TOGARAM1: variants seen among roughly 807,000 people sequenced by gnomAD.
TOGARAM1 encodes the protein TOG array regulator of axonemal microtubules protein 1.
TOGARAM1 carries 100 observed loss-of-function variants against 166.6 expected under a neutral mutation model. The observed-to-expected ratio is 0.60, with a 90% CI of 0.51 to 0.71. The LOEUF is 0.71. TOGARAM1 is among the 30% of genes least tolerant of loss of function. The probability of loss-of-function intolerance (pLI) is 0.00; values close to 1 mark genes in which losing one functional copy is unlikely to be tolerated. For missense variants in TOGARAM1, 2,029 were observed against 2,102.7 expected (o/e 0.96, Z 0.69); for synonymous variants, 758 against 763.8 (o/e 0.99, Z 0.13).
rs374580973 is a variant in TOGARAM1, at chr14:44,992,572, A to C, written c.2047-3174A>C. On this transcript the variant is annotated intron_variant, in intron 1 of 19. Transcript: ENST00000361462. The stretch of plus-strand genomic sequence containing the variant: ...CCTGCCAAAAGCTGCAATAGGATGC[A>C]TTAGGTCAGAGGATTAAACAAGAGT... Among the ~76,000 whole-genome samples, 16 of 150,694 alleles carry C rather than the reference A, an allele frequency of 1.1e-4. No individual in the cohort carries two copies. The East Asian group carries it at 2.4e-3, about 22-fold the overall frequency.
intron 10 of TOGARAM1, among the ~76,000 whole-genome samples, chr14:45,030,372 T>C (rs1426096841): frequency 6.6e-6 from 1 of 152,198 alleles, no homozygotes; most frequent in African/African-American, 2.4e-5. Context: ...AACTTCCACA[T>C]TGGTTTCTTC....
At chr14:45,017,976 G>T (rs1880256308) in intron 7 of TOGARAM1, among the ~76,000 whole-genome samples, 3 of 152,144 alleles carry the variant, frequency 2.0e-5, no homozygotes, top group Non-Finnish European at 4.4e-5. Flanking sequence ...TTGCTTAAGA[G>T]ATCCTATTAC....
At chr14:44,989,618 C>G (rs1887025120) in intron 1 of TOGARAM1, among the ~76,000 whole-genome samples, 1 of 151,998 alleles carries the variant, frequency 6.6e-6, no homozygotes, top group Middle Eastern at 3.2e-3. Flanking sequence ...TTCAAAACCA[C>G]AAGTCTCTAG....
At chr14:45,068,191 C>A (rs1053968801) in intron 17 of TOGARAM1, among the ~76,000 whole-genome samples, 1 of 152,028 alleles carries the variant, frequency 6.6e-6, no homozygotes. Flanking sequence ...ATTAGGATGT[C>A]TTTTGGGGTG....
At chr14:44,969,767 T>G (rs545106659) in intron 1 of TOGARAM1, among the ~76,000 whole-genome samples, 1 of 152,346 alleles carries the variant, frequency 6.6e-6, no homozygotes, top group South Asian at 2.1e-4. Flanking sequence ...TTTTTACATG[T>G]GCATGTTCAG....
At chr14:44,984,729 C>CGTGCCACTGCACTCCAGCCTG (rs1161924953) in intron 1 of TOGARAM1, among the ~76,000 whole-genome samples, 2 of 151,498 alleles carry the variant, frequency 1.3e-5, no homozygotes, top group Non-Finnish European at 2.9e-5. Flanking sequence ...GAGCTATGAT[C>CGTGCCACTGCACTCCAGCCTG]GTGCCACTGC....
Position 45,006,142 on chromosome 14 carries a change from G to A in TOGARAM1, c.2779G>A (p.Ala927Thr). ...GGGAATAAGCCTTTTGCCTGATAAA[G>A]CTGATTTAAGCACAGTGGGACACAA... ...PRGISLLPDK[A>T]DLSTVGHKKK... Residue 927 changes from alanine (A) to threonine (T), a missense_variant, in exon 5 of 20, where the codon GCT becomes ACT. Ala to Thr is a moderately conservative substitution (Grantham distance 58, BLOSUM62 0). This residue lies in a region of TOGARAM1 where 1,453 missense variants were observed against 1,432.2 expected (regional missense o/e 1.01). Transcript: ENST00000361462. The A allele has an allele frequency of 6.2e-7, 1 of 1,614,068 alleles. No homozygotes were observed. The highest frequency in any genetic ancestry group is 8.5e-7 in the Non-Finnish European group (1 of 1,179,996).
At chr14:44,993,975 A>C (rs183415074) in intron 1 of TOGARAM1, among the ~76,000 whole-genome samples, 37 of 152,382 alleles carry the variant, frequency 2.4e-4, no homozygotes, top group African/African-American at 7.7e-4. Context: ...CTTTTAATAT[A>C]TCTAATCAGA....
At chr14:45,007,889 A>C (rs1463643569) in intron 5 of TOGARAM1, 4 of 152,152 alleles carry the variant, frequency 2.6e-5, no homozygotes, top group Non-Finnish European at 5.9e-5. Context: ...TTTACAGAAG[A>C]GGCTCAGTGA....
chr14:45,065,742 A>C (rs1303914200), intron 16 of TOGARAM1, among the ~76,000 whole-genome samples: 4 of 152,338 alleles, frequency 2.6e-5, no homozygotes, highest in Non-Finnish European at 5.9e-5. Context: ...CCATTGGTTG[A>C]CATCTGGGAA....
At position 44,963,705 on chromosome 14, in the gene TOGARAM1, G is replaced by T; in HGVS notation, c.1284G>T (p.Gln428His). 6.2e-7 allele frequency: 1 copy of T among 1,613,946 alleles called. No homozygotes were observed. Among genetic ancestry groups the T allele is most frequent in the Non-Finnish European group, 8.5e-7 (1 of 1,180,022 alleles). ...LHLLVIRLGE[Q>H]VQQFLGPVIA... is the part of the protein sequence containing the mutation. ...TACTGGTTATTCGCCTTGGAGAGCA[G>T]GTACAGCAGTTCTTGGGACCAGTTA... The change falls in exon 1 of 20, where the codon CAG (glutamine) becomes CAT (histidine). Residue 428 changes from glutamine (Q) to histidine (H), a missense_variant. Gln to His is a conservative substitution (Grantham distance 24). This residue lies in a region of TOGARAM1 where 1,453 missense variants were observed against 1,432.2 expected (regional missense o/e 1.01). Coordinates refer to ENST00000361462, the MANE Select transcript of TOGARAM1 (RefSeq NM_001308120.2).
chr14:44,998,463 C>T (rs1887538208), intron 2 of TOGARAM1, among the ~76,000 whole-genome samples: 1 of 152,084 alleles, frequency 6.6e-6, no homozygotes, highest in South Asian at 2.1e-4. Flanking sequence ...GCCTGTAATC[C>T]CAGCACTTTG....
chr14:45,009,293 A>G lies in TOGARAM1; in HGVS notation c.3137+148A>G, dbSNP rs1879653417. On this transcript the variant is annotated intron_variant, in intron 6 of 19. Coordinates refer to ENST00000361462, the MANE Select transcript of TOGARAM1 (RefSeq NM_001308120.2). ...TTTAAAAGACATTGGAAATGTTTAC[A>G]GATATTACCTTGCTTGGCTTTGGTT... 5.7e-6 allele frequency: 4 copies of G among 696,070 alleles called. No homozygotes were observed. The Admixed American group carries it at 1.2e-4, about 21-fold the overall frequency. 43.1% of individuals were successfully genotyped at this position (696,070 alleles called of 1,614,324 possible).
rs1426229809 is a variant in TOGARAM1, at chr14:44,999,377, C to T, written c.2218C>T (p.His740Tyr). ...TTCTTCAAAAGGTACTACTGGGACT[C>T]ATCAAACAAATCTTTCTGGGAAATG... ...PLCAAGTTGT[H>Y]QTNLSGKCAQ... Residue 740 changes from histidine to tyrosine, a missense_variant, in exon 3 of 20, where the codon CAT becomes TAT. Transcript: ENST00000361462. 6.2e-7 allele frequency: 1 copy of T among 1,608,794 alleles called. No individual in the cohort carries two copies. The highest frequency in any genetic ancestry group is 1.3e-5 in the African/African-American group (1 of 74,826).
chr14:45,025,699 A>T, intron 7 of TOGARAM1, 84 bp from the exon 8 acceptor site: 1 of 710,272 alleles, frequency 1.4e-6, no homozygotes, highest in South Asian at 1.9e-5. Flanking sequence ...TTCAGTTTTA[A>T]AAGACTATGT....
In TOGARAM1 at chr14:44,999,582, T is replaced by A. The variant is rs146332815; in HGVS notation, c.2338+85T>A. On this transcript the variant is annotated intron_variant, in intron 3 of 19. Transcript: ENST00000361462. Reference sequence around the variant, plus strand: ...ACACTAACTTATATGATATTTTGTGTACTCATACTCATCACAAAAAATAAA... The same window carrying A: ...ACACTAACTTATATGATATTTTGTGAACTCATACTCATCACAAAAAATAAA... 1.8e-4 allele frequency: 195 copies of A among 1,056,108 alleles called. 1 individual carries two copies. The African/African-American group carries it at 2.4e-3, about 13-fold the overall frequency. The allele number at this position is 1,056,108 out of a possible 1,614,324, so 65.4% of individuals were successfully genotyped here.
At chr14:45,058,701 A>C (rs951913412) in intron 16 of TOGARAM1, among the ~76,000 whole-genome samples, 6 of 152,188 alleles carry the variant, frequency 3.9e-5, no homozygotes. Context: ...CCAGTTTGCC[A>C]ATCTGTAACT....
intron 11 of TOGARAM1, among the ~76,000 whole-genome samples, chr14:45,035,780 A>G (rs1364580711): frequency 6.6e-6 from 1 of 152,098 alleles, no homozygotes; most frequent in Admixed American, 6.6e-5. Flanking sequence ...CAAACTGTCA[A>G]TCTAGAATTC....
rs1294115086 is a variant in TOGARAM1 at position 45,008,930 on chromosome 14, G to T, written c.2922G>T (p.Arg974Ser). The T allele has an allele frequency of 6.2e-7, 1 of 1,613,442 alleles. No homozygotes were observed. Among genetic ancestry groups the T allele is most frequent in the Non-Finnish European group, 8.5e-7 (1 of 1,179,692 alleles). Residue 974 changes from arginine to serine, a missense_variant, in exon 6 of 20, where the codon AGG becomes AGT. By Grantham distance (110) the Arg-to-Ser change is moderately radical (BLOSUM62 -1). Transcript: ENST00000361462. ...TTTCTTAGATGCATAGCTCTCTTAG[G>T]TCCCTTCGTAATAGTGCAGCTAAGA... ...LDQEEMHSSL[R>S]SLRNSAAKKR... is the part of the protein sequence containing the mutation.
Sources: allele counts gnomAD v4.1 joint callset (sites outside exome capture counted in the v4.1 genomes callset), GRCh38; gene constraint gnomAD v4.1.1; regional missense constraint gnomAD v4.1.1; transcripts MANE v1.5; gene names NCBI Gene and HGNC (gene_info 2026-07-23, HGNC 2026-07-21).